FRMD6: variants seen among roughly 807,000 people sequenced by gnomAD.
FRMD6 encodes the protein FERM domain containing 6.
A neutral mutation model predicts 73.2 loss-of-function variants in FRMD6; 37 were observed. The observed-to-expected ratio is 0.51, with a 90% CI of 0.39 to 0.66. FRMD6 has a LOEUF of 0.66. FRMD6 is among the 30% of genes least tolerant of loss of function. The pLI is 0.00. For missense variants in FRMD6, 714 were observed against 780.5 expected, an observed-to-expected ratio of 0.91 and a Z score of 1.02; for synonymous variants, 273 against 282.2, an observed-to-expected ratio of 0.97 and a Z score of 0.33.
upstream of FRMD6, among the ~76,000 whole-genome samples, chr14:51,648,113 C>T (rs1892161951): frequency 6.6e-6 from 1 of 152,200 alleles, no homozygotes; most frequent in Admixed American, 6.5e-5. Flanking sequence ...GCATGAGCCA[C>T]CGCGCCCAGC....
At chr14:51,542,005 G>A (rs562155128) in intron 1 of FRMD6, among the ~76,000 whole-genome samples, 1 of 151,974 alleles carries the variant, frequency 6.6e-6, no homozygotes, top group Non-Finnish European at 1.5e-5. Flanking sequence ...GTTTCTCAGA[G>A]TTTGTTCCCA....
chr14:51,453,525 G>T, the FRMD6 span, among the ~76,000 whole-genome samples: 1 of 152,246 alleles, frequency 6.6e-6, no homozygotes, highest in Non-Finnish European at 1.5e-5. Flanking sequence ...TTAAGGTACA[G>T]TGGATATACA....
Position 51,730,082 on chromosome 14 carries a change from C to T in FRMD6, c.*2053C>T, listed in dbSNP as rs1338226891. 6.6e-6 allele frequency: 1 copy of T among 152,174 alleles called. No individual in the cohort carries two copies. The highest frequency in any genetic ancestry group is 1.5e-5 in the Non-Finnish European group (1 of 68,026). The allele number at this position is 152,174 out of a possible 1,614,324, so 9.4% of individuals were successfully genotyped here. ...ACTCTAAGGAGCCCAGATCATAATG[C>T]AGTGCATTTCCTTAGCCCTTAGAGT... On this transcript the variant is annotated 3_prime_UTR_variant, in exon 14 of 14. Coordinates refer to ENST00000344768, the MANE Select transcript of FRMD6 (RefSeq NM_001267046.2).
At chr14:51,574,839 A>G (rs1888320357) in intron 2 of FRMD6, among the ~76,000 whole-genome samples, 2 of 152,232 alleles carry the variant, frequency 1.3e-5, no homozygotes, top group Non-Finnish European at 2.9e-5. Context: ...GATGGTTTGT[A>G]ACACAAAGAA....
At chr14:51,529,897 G>A (rs1596544911) in intron 1 of FRMD6, among the ~76,000 whole-genome samples, 1 of 152,220 alleles carries the variant, frequency 6.6e-6, no homozygotes, top group African/African-American at 2.4e-5. Context: ...TGTATGGCTT[G>A]TGACAAGAAT....
intron 1 of FRMD6, among the ~76,000 whole-genome samples, chr14:51,678,477 C>G (rs1033455487): frequency 6.6e-6 from 1 of 152,130 alleles, no homozygotes; most frequent in South Asian, 2.1e-4. Flanking sequence ...TCCTCTATAA[C>G]TAATATGCAG....
chr14:51,600,489 C>G (rs1485137121), intron 2 of FRMD6, among the ~76,000 whole-genome samples: 1 of 152,242 alleles, frequency 6.6e-6, no homozygotes, highest in African/African-American at 2.4e-5. Context: ...TTAACACACA[C>G]TGGCATTTGG....
intron 2 of FRMD6, among the ~76,000 whole-genome samples, chr14:51,635,311 G>A (rs1594632989): frequency 2.6e-5 from 4 of 152,278 alleles, no homozygotes; most frequent in Middle Eastern, 3.4e-3. Context: ...CAAGAGGATC[G>A]TTTGACCTAG....
upstream of FRMD6, among the ~76,000 whole-genome samples, chr14:51,646,937 A>G (rs1892102979): frequency 6.6e-6 from 1 of 151,938 alleles, no homozygotes; most frequent in Non-Finnish European, 1.5e-5. Context: ...CACCTTCCCA[A>G]GAGCAAGGGG....
chr14:51,579,853 C>T (rs10148390), intron 2 of FRMD6, among the ~76,000 whole-genome samples: 5 of 152,136 alleles, frequency 3.3e-5, no homozygotes, highest in Non-Finnish European at 7.3e-5. Flanking sequence ...GACACATGTA[C>T]ACACTCACCA....
At chr14:51,482,515 C>A in the FRMD6 span, among the ~76,000 whole-genome samples, 3 of 152,188 alleles carry the variant, frequency 2.0e-5, no homozygotes, top group Non-Finnish European at 4.4e-5. Context: ...ATTTTACTCC[C>A]TCTATCTCTG....
chr14:51,549,841 C>T (rs916642791), intron 1 of FRMD6, among the ~76,000 whole-genome samples: 1 of 152,060 alleles, frequency 6.6e-6, no homozygotes, highest in Non-Finnish European at 1.5e-5. Context: ...GTGATCCGCC[C>T]GCCTCGGCCT....
At chr14:51,607,994 C>T (rs1219788501) in intron 2 of FRMD6, among the ~76,000 whole-genome samples, 4 of 152,238 alleles carry the variant, frequency 2.6e-5, no homozygotes, top group African/African-American at 9.6e-5. Flanking sequence ...TTATTTGAGG[C>T]TCTGGGCAGT....
chr14:51,398,101 T>C, the FRMD6 span, among the ~76,000 whole-genome samples: 1 of 152,238 alleles, frequency 6.6e-6, no homozygotes, highest in Admixed American at 6.5e-5. Context: ...AAAGTTGTTA[T>C]ACATATTTAC....
the FRMD6 span, among the ~76,000 whole-genome samples, chr14:51,427,485 G>A: frequency 2.0e-5 from 3 of 152,228 alleles, no homozygotes; most frequent in Non-Finnish European, 4.4e-5. Context: ...TTGGGAATAT[G>A]TGATTGAAAA....
At chr14:51,552,719 A>G (rs1046838988) in intron 1 of FRMD6, among the ~76,000 whole-genome samples, 1 of 152,252 alleles carries the variant, frequency 6.6e-6, no homozygotes, top group Non-Finnish European at 1.5e-5. Context: ...CATTTAATTT[A>G]AAATATGAAA....
At chr14:51,588,612 G>T (rs1243440316) in intron 2 of FRMD6, among the ~76,000 whole-genome samples, 4 of 152,184 alleles carry the variant, frequency 2.6e-5, no homozygotes, top group Non-Finnish European at 5.9e-5. Flanking sequence ...TTAGTGATCA[G>T]CTTGAATGCT....
the FRMD6 span, among the ~76,000 whole-genome samples, chr14:51,412,642 G>A: frequency 6.6e-6 from 1 of 152,032 alleles, no homozygotes; most frequent in Non-Finnish European, 1.5e-5. Flanking sequence ...ACGAGGTCAG[G>A]AGATCAAGAC....
At chr14:51,541,983 C>G (rs1315036465) in intron 1 of FRMD6, among the ~76,000 whole-genome samples, 1 of 151,940 alleles carries the variant, frequency 6.6e-6, no homozygotes, top group Non-Finnish European at 1.5e-5. Flanking sequence ...TCCCTAGAAA[C>G]AGTACACCAA....
Sources: gnomAD v4.1 joint callset for allele counts (sites outside exome capture counted in the v4.1 genomes callset) on GRCh38, gnomAD v4.1.1 for gene constraint, MANE v1.5 for transcripts, NCBI Gene and HGNC (gene_info 2026-07-23, HGNC 2026-07-21) for gene names.